The following EPHA3 variants were observed in gnomAD, a reference collection of about 807,000 sequenced individuals.
The protein encoded by EPHA3 is EPH receptor A3.
In EPHA3, 42 loss-of-function variants were observed where a neutral mutation model predicts 107.1. The ratio of observed to expected loss-of-function variants is 0.39; its 90% CI spans 0.31 to 0.51. The LOEUF is 0.51. EPHA3 is among the 20% of genes least tolerant of loss of function. EPHA3 has a pLI of 0.78. For synonymous variants in EPHA3, 461 were observed against 424.8 expected (o/e 1.09, Z -1.05); for missense variants, 1,183 against 1,211.2 (o/e 0.98, Z 0.35).
intron 3 of EPHA3, among the ~76,000 whole-genome samples, chr3:89,250,879 G>A (rs1312479342): frequency 1.3e-5 from 2 of 152,134 alleles, no homozygotes; most frequent in Non-Finnish European, 2.9e-5. Flanking sequence ...TGAATGCTTG[G>A]TGATATCTTT....
chr3:89,345,709 G>A (rs1255256036), intron 5 of EPHA3, among the ~76,000 whole-genome samples: 1 of 143,330 alleles, frequency 7.0e-6, no homozygotes, highest in Admixed American at 7.1e-5. Flanking sequence ...CTGGTGCGCT[G>A]CACCCACTAA....
In EPHA3 at chr3:89,395,987, G is replaced by T. The variant is rs774973586; in HGVS notation, c.1431+26G>T. Reference sequence around the variant, plus strand: ...GTGGGGAAACAATGTTTAAGGGTTGGGCTGTGTAGGCAAGAAGCTGTTTCC... The same window carrying T: ...GTGGGGAAACAATGTTTAAGGGTTGTGCTGTGTAGGCAAGAAGCTGTTTCC... On this transcript the variant is annotated intron_variant, in intron 6 of 16. Transcript: ENST00000336596. 13 of 1,610,906 alleles carry T rather than the reference G, an allele frequency of 8.1e-6. No individual in the cohort carries two copies. In the Admixed American group the frequency reaches 1.2e-4, roughly 15 times the overall value.
chr3:89,314,158 A>T (rs1706837390), intron 3 of EPHA3, among the ~76,000 whole-genome samples: 1 of 151,922 alleles, frequency 6.6e-6, no homozygotes, highest in Admixed American at 6.6e-5. Context: ...CAATTTCACT[A>T]TCTCAAATCA....
At chr3:89,173,964 C>T (rs1172307386) in intron 2 of EPHA3, among the ~76,000 whole-genome samples, 1 of 151,536 alleles carries the variant, frequency 6.6e-6, no homozygotes, top group African/African-American at 2.4e-5. Context: ...CATTTTATTC[C>T]CAAATCACAC....
intron 2 of EPHA3, 29 bp downstream of exon 2, chr3:89,127,302 C>T: frequency 6.5e-7 from 1 of 1,545,562 alleles, no homozygotes; most frequent in Non-Finnish European, 8.9e-7. Context: ...CACAAGGAAA[C>T]ATTTTCTCTA....
At position 89,269,029 on chromosome 3, in the gene EPHA3, G is replaced by A. The variant is rs181937758; in HGVS notation, c.814+58509G>A. Among the ~76,000 whole-genome samples the A allele has an allele frequency of 1.2e-3, 179 of 152,066 alleles. 2 individuals are homozygous for A. Among genetic ancestry groups the A allele is most frequent in the Non-Finnish European group, 4.1e-4 (28 of 67,950 alleles). ...ATTTTAAAAGTAATATGGTATTATG[G>A]CATTACTACTTTTACTTTTCTATTC... is the stretch of plus-strand genomic sequence containing the variant. On this transcript the variant is annotated intron_variant, in intron 3 of 16. Coordinates refer to ENST00000336596, the MANE Select transcript of EPHA3 (RefSeq NM_005233.6).
chr3:89,366,696 C>T (rs948953396), intron 5 of EPHA3, among the ~76,000 whole-genome samples: 2 of 150,604 alleles, frequency 1.3e-5, no homozygotes, highest in African/African-American at 4.8e-5. Flanking sequence ...AAAGCCCAGA[C>T]TTTAACTGGG....
rs1280972407 is a variant in EPHA3, at chr3:89,142,881, C to T, written c.153+15608C>T. On this transcript the variant is annotated intron_variant, in intron 2 of 16. Coordinates refer to ENST00000336596, the MANE Select transcript of EPHA3 (RefSeq NM_005233.6). The stretch of plus-strand genomic sequence containing the variant: ...GCCTTTTCAAAAAAGAGCATGGATC[C>T]GGCACAATGCTAAATGAAGATTATG... 7.9e-5 allele frequency among the ~76,000 whole-genome samples: 12 copies of T among 151,058 alleles called. No homozygotes were observed. In the Admixed American group the frequency reaches 7.9e-4, roughly 10 times the overall value.
chr3:89,457,142 AG>A (rs562380576), intron 15 of EPHA3, among the ~76,000 whole-genome samples: 183 of 152,340 alleles, frequency 1.2e-3, no homozygotes, highest in African/African-American at 4.2e-3. Context: ...GGTAGGTAAC[AG>A]GAAAACAGGC....
intron 3 of EPHA3, among the ~76,000 whole-genome samples, chr3:89,263,530 A>G (rs1436937752): frequency 6.6e-6 from 1 of 152,128 alleles, no homozygotes; most frequent in African/African-American, 2.4e-5. Flanking sequence ...ACGGGAGCTG[A>G]AAAGGAGATG....
At chr3:89,304,479 C>T (rs1483813049) in intron 3 of EPHA3, among the ~76,000 whole-genome samples, 1 of 151,954 alleles carries the variant, frequency 6.6e-6, no homozygotes, top group African/African-American at 2.4e-5. Flanking sequence ...TCGAGGCACA[C>T]TAGACCCCTT....
chr3:89,282,067 T>A (rs550888223), intron 3 of EPHA3, among the ~76,000 whole-genome samples: 1 of 152,298 alleles, frequency 6.6e-6, no homozygotes, highest in South Asian at 2.1e-4. Context: ...ATTCGTGCAG[T>A]TTCATTCAGT....
At chr3:89,375,366 T>C (rs1360009282) in intron 5 of EPHA3, among the ~76,000 whole-genome samples, 1 of 151,702 alleles carries the variant, frequency 6.6e-6, no homozygotes, top group African/African-American at 2.4e-5. Context: ...TTGGGAATGA[T>C]CCCTGAAAAC....
intron 3 of EPHA3, among the ~76,000 whole-genome samples, chr3:89,314,264 C>A (rs1302006755): frequency 6.6e-6 from 1 of 151,852 alleles, no homozygotes; most frequent in African/African-American, 2.4e-5. Context: ...TATATAAAAG[C>A]TACTTTTCTA....
intron 1 of EPHA3, among the ~76,000 whole-genome samples, chr3:89,113,666 C>A (rs531144497): frequency 6.6e-6 from 1 of 151,874 alleles, no homozygotes; most frequent in South Asian, 2.1e-4. Context: ...AGGCATTTAT[C>A]ACGTAAAACA....
At chr3:89,383,639 C>CTTTTTTTTTT (rs71621546) in intron 5 of EPHA3, among the ~76,000 whole-genome samples, 8 of 87,962 alleles carry the variant, frequency 9.1e-5, no homozygotes, top group South Asian at 4.6e-4. Flanking sequence ...ACTTCTTCTT[C>CTTTTTTTTTT]TTTTTTTTTT....
chr3:89,136,981 T>C (rs1308142405), intron 2 of EPHA3, among the ~76,000 whole-genome samples: 1 of 151,916 alleles, frequency 6.6e-6, no homozygotes, highest in Admixed American at 6.6e-5. Flanking sequence ...GTTGTGCAAC[T>C]TCAAATTAGC....
intron 7 of EPHA3, among the ~76,000 whole-genome samples, chr3:89,400,705 C>A (rs1030156335): frequency 2.0e-5 from 3 of 151,928 alleles, no homozygotes; most frequent in African/African-American, 7.3e-5. Context: ...ATATCCCACA[C>A]TGGTTAATAT....
chr3:89,219,688 G>GTGTTTTTTTTTGTTTTTTTTTGTTT, intron 3 of EPHA3, among the ~76,000 whole-genome samples: 3 of 34,440 alleles, frequency 8.7e-5, no homozygotes, highest in East Asian at 8.5e-4. Context: ...ATTTGGCAAT[G>GTGTTTTTTTTTGTTTTTTTTTGTTT]TTTTTTTTTT....
Sources: allele counts gnomAD v4.1 joint callset (sites outside exome capture counted in the v4.1 genomes callset), GRCh38; gene constraint gnomAD v4.1.1; transcripts MANE v1.5; gene names NCBI Gene and HGNC (gene_info 2026-07-23, HGNC 2026-07-21).